Variants in SPACA1 observed in about 807,000 individuals in gnomAD.
The protein encoded by SPACA1 is sperm acrosome associated 1.
SPACA1 carries 17 observed loss-of-function variants against 32.6 expected under a neutral mutation model. The observed-to-expected ratio is 0.52, with a 90% CI of 0.36 to 0.78. The LOEUF (loss-of-function observed/expected upper bound fraction) is 0.78. Among genes scored for constraint, SPACA1 ranks in the 30% least tolerant of loss-of-function variants. The pLI is 0.01. For missense variants in SPACA1, 363 were observed against 373.4 expected, an observed-to-expected ratio of 0.97 and a Z score of 0.23; for synonymous variants, 140 against 138.1, an observed-to-expected ratio of 1.01 and a Z score of -0.10.
At chr6:88,064,358 T>TGAACTAGGGCA in intron 6 of SPACA1, 139 bp downstream of exon 6, 1 of 764,646 alleles carries the variant, frequency 1.3e-6, no homozygotes. Context: ...TCATTACTCC[T>TGAACTAGGGCA]GTGACTGCCC....
upstream of SPACA1, chr6:88,047,708 G>A (rs1775659706): frequency 1.7e-6 from 1 of 588,558 alleles, no homozygotes; most frequent in East Asian, 2.9e-5. Flanking sequence ...CGTCTTGCAC[G>A]CCTCGCAGCC....
chr6:88,050,324 C>T (rs1201364953), intron 1 of SPACA1, among the ~76,000 whole-genome samples: 2 of 152,066 alleles, frequency 1.3e-5, no homozygotes, highest in Non-Finnish European at 1.5e-5. Context: ...ATAATGTTTA[C>T]TCATCAATTC....
At chr6:88,049,750 G>A (rs1775701201) in intron 1 of SPACA1, among the ~76,000 whole-genome samples, 1 of 152,078 alleles carries the variant, frequency 6.6e-6, no homozygotes, top group Non-Finnish European at 1.5e-5. Flanking sequence ...TCCTAGTTTT[G>A]AAGGTGTATG....
At chr6:88,060,869 G>T (rs776042007) in intron 5 of SPACA1, among the ~76,000 whole-genome samples, 25 of 152,214 alleles carry the variant, frequency 1.6e-4, no homozygotes, top group Non-Finnish European at 3.4e-4. Flanking sequence ...TAATGTATAT[G>T]TTAAAGGCTG....
chr6:88,058,947 A>G lies in SPACA1; in HGVS notation c.474+125A>G, dbSNP rs1470297512. On this transcript the variant is annotated intron_variant, in intron 4 of 6. Transcript: ENST00000237201. ...TTGCCAAAACGAAGTTAAGAATTAT[A>G]CAACTTTATTATTTTGGAATTTTAA... 1.0e-5 allele frequency: 6 copies of G among 586,138 alleles called. No homozygotes were observed. In the Admixed American group the frequency reaches 1.8e-4, roughly 17 times the overall value. The allele number at this position is 586,138 out of a possible 1,614,324, so 36.3% of individuals were successfully genotyped here.
At chr6:88,049,259 AAAC>A (rs1399410849) in intron 1 of SPACA1, among the ~76,000 whole-genome samples, 2 of 152,240 alleles carry the variant, frequency 1.3e-5, no homozygotes, top group African/African-American at 2.4e-5. Flanking sequence ...TTTTAGTATT[AAAC>A]TGGCCAAGAA....
chr6:88,057,752 G>T (rs753255602), intron 3 of SPACA1, 39 bp downstream of exon 3: 19 of 1,559,714 alleles, frequency 1.2e-5, no homozygotes, highest in Non-Finnish European at 1.3e-5. Context: ...CTGTGGGCAA[G>T]AGTTTACTCT....
At chr6:88,063,381 T>C (rs1775925553) in intron 5 of SPACA1, among the ~76,000 whole-genome samples, 1 of 152,150 alleles carries the variant, frequency 6.6e-6, no homozygotes, top group Non-Finnish European at 1.5e-5. Flanking sequence ...AAAATGATAG[T>C]TGCATATAAC....
At position 88,054,001 on chromosome 6, in the gene SPACA1, T is replaced by C; in HGVS notation, c.264T>C (p.Cys88=). 1.9e-6 allele frequency: 3 copies of C among 1,613,360 alleles called. No individual in the cohort carries two copies. The highest frequency in any genetic ancestry group is 2.5e-6 in the Non-Finnish European group (3 of 1,179,564). Reference sequence around the variant, plus strand: ...AATTCGGAATGTGCACCGTTACATGTGGTAAGTAGCTTGGAGCAGATGAAT... The same window carrying C: ...AATTCGGAATGTGCACCGTTACATGCGGTAAGTAGCTTGGAGCAGATGAAT... The part of the protein sequence containing the change: ...EVEFGMCTVT[C]GIGVREVILT... The change falls in exon 2 of 7, where the codon TGT becomes TGC. Residue 88 remains cysteine, a splice_region_variant and synonymous_variant. Transcript: ENST00000237201.
At position 88,048,092 on chromosome 6, in the gene SPACA1, G is replaced by C; in HGVS notation, c.187G>C (p.Ala63Pro). The C allele has an allele frequency of 6.3e-7, 1 of 1,596,424 alleles. No individual in the cohort carries two copies. The highest frequency in any genetic ancestry group is 1.8e-5 in the Admixed American group (1 of 56,380). ...NNDSETAENY[A>P]PPETEDVSNR... ...CGACAGCGAGACCGCGGAGAACTAC[G>C]CTCCGCCTGAAACCGAGGATGGTGA... The change falls in exon 1 of 7, where the codon GCT becomes CCT. Residue 63 changes from alanine (A) to proline (P), a missense_variant. By Grantham distance (27) the Ala-to-Pro change is conservative. Transcript: ENST00000237201.
At chr6:88,052,582 A>G (rs12201111) in intron 1 of SPACA1, among the ~76,000 whole-genome samples, 29,838 of 152,152 alleles carry the variant, frequency 0.2, 3,266 homozygotes, top group Middle Eastern at 0.3. Flanking sequence ...TATTCCTGTA[A>G]TCCCAGCACT....
intron 1 of SPACA1, among the ~76,000 whole-genome samples, chr6:88,049,799 G>A (rs1216541849): frequency 2.0e-5 from 3 of 152,110 alleles, no homozygotes; most frequent in Admixed American, 6.5e-5. Flanking sequence ...GCAACTAAGT[G>A]CTCAACTGTT....
Position 88,047,892 on chromosome 6 carries a change from C to A in SPACA1, c.-14C>A. Reference sequence around the variant, plus strand: ...CGGCGACTGCGCCTCGGACGGCCGTCGGGGCCGAGAACCATGAGCCCCAGG... The same window carrying A: ...CGGCGACTGCGCCTCGGACGGCCGTAGGGGCCGAGAACCATGAGCCCCAGG... On this transcript the variant is annotated 5_prime_UTR_variant, in exon 1 of 7. Transcript: ENST00000237201. The A allele has an allele frequency of 6.5e-7, 1 of 1,528,858 alleles. No homozygotes were observed. The highest frequency in any genetic ancestry group is 1.2e-5 in the South Asian group (1 of 83,056). 94.7% of individuals were successfully genotyped at this position (1,528,858 alleles called of 1,614,324 possible).
Position 88,049,720 on chromosome 6 carries a change from T to G in SPACA1, c.208+1607T>G, listed in dbSNP as rs373348105. Among the ~76,000 whole-genome samples the G allele has an allele frequency of 4.9e-4, 75 of 152,254 alleles. 1 individual carries two copies. Among genetic ancestry groups the G allele is most frequent in the African/African-American group, 1.7e-3 (71 of 41,570 alleles). ...AAGAAGAATTTAAACATGGAAAAATTCAAATTTTTATTCCATATATCCTAG... is the reference window on the plus strand; with the variant it reads ...AAGAAGAATTTAAACATGGAAAAATGCAAATTTTTATTCCATATATCCTAG... On this transcript the variant is annotated intron_variant, in intron 1 of 6. Transcript: ENST00000237201.
chr6:88,055,834 G>A (rs1433751544), intron 2 of SPACA1, among the ~76,000 whole-genome samples: 1 of 152,002 alleles, frequency 6.6e-6, no homozygotes, highest in African/African-American at 2.4e-5. Context: ...AGCTGGGTGC[G>A]GTGGCACATA....
intron 3 of SPACA1, 91 bp from the exon 4 acceptor site, chr6:88,058,625 C>T: frequency 3.5e-6 from 3 of 847,252 alleles, no homozygotes; most frequent in East Asian, 5.4e-5. Context: ...GGTGACAGAA[C>T]CAGATCCTGT....
At chr6:88,050,639 A>G (rs1246752926) in intron 1 of SPACA1, among the ~76,000 whole-genome samples, 1 of 152,246 alleles carries the variant, frequency 6.6e-6, no homozygotes, top group Non-Finnish European at 1.5e-5. Context: ...AGATGATGCA[A>G]TATCTTGGGC....
chr6:88,049,599 T>C (rs183750077), intron 1 of SPACA1, among the ~76,000 whole-genome samples: 21 of 152,378 alleles, frequency 1.4e-4, no homozygotes, highest in African/African-American at 4.8e-4. Flanking sequence ...TATCCCCATT[T>C]ACTATCCAGT....
intron 2 of SPACA1, among the ~76,000 whole-genome samples, chr6:88,054,831 A>T (rs1019460840): frequency 2.6e-5 from 4 of 152,188 alleles, no homozygotes; most frequent in Admixed American, 2.0e-4. Flanking sequence ...TATACCCAAC[A>T]TAAAACTTAC....
Sources: allele counts gnomAD v4.1 joint callset (sites outside exome capture counted in the v4.1 genomes callset), GRCh38; gene constraint gnomAD v4.1.1; transcripts MANE v1.5; gene names NCBI Gene and HGNC (gene_info 2026-07-23, HGNC 2026-07-21).